SNTG2: variants seen among roughly 807,000 people sequenced by gnomAD.
SNTG2 encodes the protein syntrophin gamma 2.
A neutral mutation model predicts 70.9 loss-of-function variants in SNTG2; 74 were observed. That is an observed-to-expected ratio of 1.04 (90% CI 0.86 to 1.27). The LOEUF (loss-of-function observed/expected upper bound fraction) is 1.27. Ranked by LOEUF, SNTG2 falls within the 50% of genes most tolerant of loss-of-function variation. SNTG2 has a pLI of 0.00. For synonymous variants in SNTG2, 278 were observed against 273.8 expected (o/e 1.02, Z -0.15); for missense variants, 717 against 690.7 (o/e 1.04, Z -0.43).
rs143169130 is a variant in SNTG2 at position 1,248,125 on chromosome 2, T to C, written c.1005+682T>C. Among the ~76,000 whole-genome samples the C allele has an allele frequency of 2.2e-3, 332 of 152,358 alleles. 5 individuals are homozygous for C. Among genetic ancestry groups the C allele is most frequent in the African/African-American group, 7.3e-3 (303 of 41,580 alleles). Reference sequence around the variant, plus strand: ...TCACGTGCAGTGTTCATGGGACTTTTTTCCATTAAAAGGAAATGAAAAGAT... The same window carrying C: ...TCACGTGCAGTGTTCATGGGACTTTCTTCCATTAAAAGGAAATGAAAAGAT... On this transcript the variant is annotated intron_variant, in intron 12 of 16. Transcript: ENST00000308624.
At chr2:1,006,190 T>C (rs547607514) in intron 1 of SNTG2, among the ~76,000 whole-genome samples, 38 of 145,670 alleles carry the variant, frequency 2.6e-4, no homozygotes, top group Non-Finnish European at 4.4e-4. Context: ...AGGGATAGCA[T>C]TGGGAGATAT....
At chr2:1,190,231 A>G (rs1006746097) in intron 8 of SNTG2, among the ~76,000 whole-genome samples, 2 of 151,986 alleles carry the variant, frequency 1.3e-5, no homozygotes, top group African/African-American at 2.4e-5. Context: ...TAGATGCTTA[A>G]GACCCTTATA....
chr2:1,078,588 A>C (rs1354095563), intron 1 of SNTG2, among the ~76,000 whole-genome samples: 1 of 152,318 alleles, frequency 6.6e-6, no homozygotes, highest in East Asian at 1.9e-4. Context: ...CCGGCCTCAC[A>C]GGGCATCACC....
At chr2:1,111,059 T>A (rs1264942957) in intron 4 of SNTG2, among the ~76,000 whole-genome samples, 4 of 152,232 alleles carry the variant, frequency 2.6e-5, no homozygotes, top group African/African-American at 9.6e-5. Context: ...TCCGTAAGAA[T>A]GAAGGGAGTC....
intron 1 of SNTG2, among the ~76,000 whole-genome samples, chr2:991,423 C>A (rs1661489057): frequency 7.0e-6 from 1 of 141,996 alleles, no homozygotes; most frequent in Non-Finnish European, 1.5e-5. Context: ...GACTTTAATT[C>A]TAGAATGACA....
At position 1,144,044 on chromosome 2, in the gene SNTG2, C is replaced by T. The variant is rs542322123; in HGVS notation, c.411+6235C>T. On this transcript the variant is annotated intron_variant, in intron 6 of 16. Transcript: ENST00000308624. Reference sequence around the variant, plus strand: ...TGTTGAAGCTGTGGCTCTCAGGACACGCTGGGTAGCCCCATAGATCCATCT... The same window carrying T: ...TGTTGAAGCTGTGGCTCTCAGGACATGCTGGGTAGCCCCATAGATCCATCT... Among the ~76,000 whole-genome samples, 19 of 152,260 alleles carry T rather than the reference C, an allele frequency of 1.2e-4. 1 individual carries two copies. In the South Asian group the frequency reaches 2.5e-3, roughly 20 times the overall value.
In SNTG2 at chr2:1,083,693, C is replaced by A. The variant is rs200036018; in HGVS notation, c.210+38C>A. On this transcript the variant is annotated intron_variant, in intron 2 of 16. Transcript: ENST00000308624. ...ACTTCAGGGAAGTCTTGGAGTGTTT[C>A]GGACGAGCCCCATGAACGGTCTTTG... 6.2e-6 allele frequency: 10 copies of A among 1,610,320 alleles called. No homozygotes were observed. In the South Asian group the frequency reaches 9.9e-5, roughly 16 times the overall value.
chr2:1,153,141 C>G (rs1258979890), intron 6 of SNTG2, among the ~76,000 whole-genome samples: 2 of 147,324 alleles, frequency 1.4e-5, no homozygotes, highest in Non-Finnish European at 3.0e-5. Flanking sequence ...AAAAAAAATG[C>G]CTTCACAACA....
At chr2:1,004,135 CCATGTTTTATTCTTAATGATAGTGCCTGA>C (rs1659494351) in intron 1 of SNTG2, among the ~76,000 whole-genome samples, 2 of 152,192 alleles carry the variant, frequency 1.3e-5, no homozygotes. Flanking sequence ...AGAAGTTATA[CCATGTTTTATTCTTAATGATAGTGCCTGA>C]CATGACTGTC....
At position 1,318,518 on chromosome 2, in the gene SNTG2, T is replaced by TG. The variant is rs573360385; in HGVS notation, c.1488+2148dup. 3.3e-5 allele frequency among the ~76,000 whole-genome samples: 5 copies of TG among 152,288 alleles called. No homozygotes were observed. The South Asian group carries it at 1.0e-3, about 32-fold the overall frequency. Reference sequence around the variant, plus strand: ...GGTACAGACACTGTGGCTCCTGGGCTGGGGGAGAGCGATGAGGCAGCGGCA... The same window carrying TG: ...GGTACAGACACTGTGGCTCCTGGGCTGGGGGGAGAGCGATGAGGCAGCGGCA... On this transcript the variant is annotated intron_variant, in intron 16 of 16. Transcript: ENST00000308624.
At chr2:1,187,749 A>G (rs1184006169) in intron 8 of SNTG2, among the ~76,000 whole-genome samples, 1 of 152,218 alleles carries the variant, frequency 6.6e-6, no homozygotes, top group East Asian at 1.9e-4. Context: ...ATGGCAATTT[A>G]GTTGACAGCA....
intron 8 of SNTG2, among the ~76,000 whole-genome samples, chr2:1,175,397 C>G (rs1433710742): frequency 6.6e-6 from 1 of 152,166 alleles, no homozygotes; most frequent in Non-Finnish European, 1.5e-5. Context: ...CTAACTCACT[C>G]TATTTTTTCC....
intron 11 of SNTG2, among the ~76,000 whole-genome samples, chr2:1,244,234 A>G (rs1273248541): frequency 1.3e-5 from 2 of 152,212 alleles, no homozygotes; most frequent in African/African-American, 2.4e-5. Context: ...GGACCTGCAG[A>G]AGGGGATGTG....
intron 6 of SNTG2, 44 bp from the exon 7 acceptor site, chr2:1,165,504 T>G: frequency 6.6e-7 from 1 of 1,520,126 alleles, no homozygotes; most frequent in South Asian, 1.2e-5. Context: ...CTGTGTCTGG[T>G]TCTTTTGTGG....
intron 1 of SNTG2, among the ~76,000 whole-genome samples, chr2:1,071,065 A>C (rs1481689824): frequency 6.6e-6 from 1 of 152,262 alleles, no homozygotes; most frequent in Non-Finnish European, 1.5e-5. Context: ...CAGAGGACAC[A>C]GAAGCCTCGG....
chr2:1,068,239 C>G (rs183584488), intron 1 of SNTG2: 1 of 152,196 alleles, frequency 6.6e-6, no homozygotes, highest in African/African-American at 2.4e-5. Flanking sequence ...GCAGGGCGCC[C>G]GTAACTGTGT....
rs1209878444 is a variant in SNTG2, at chr2:1,115,670, TAAGTGAGGTTTAA to T, written c.325+17261_325+17273del. Among the ~76,000 whole-genome samples the T allele has an allele frequency of 9.8e-4, 149 of 152,046 alleles. 2 individuals carry two copies. The South Asian group carries it at 0.019, about 20-fold the overall frequency. On this transcript the variant is annotated intron_variant, in intron 4 of 16. Coordinates refer to ENST00000308624, the MANE Select transcript of SNTG2 (RefSeq NM_018968.4). ...GTCCTTTGAGGAGGATCGTGTGTAC[TAAGTGAGGTTTAA>T]CATTTACAGTCCTTTGAGAAGGATC...
At chr2:1,063,461 C>G (rs773743004) in intron 1 of SNTG2, among the ~76,000 whole-genome samples, 5 of 152,060 alleles carry the variant, frequency 3.3e-5, no homozygotes, top group East Asian at 1.9e-4. Flanking sequence ...ACAGCTGGCT[C>G]TCTCCAAAAG....
At chr2:1,145,841 A>G (rs1284687923) in intron 6 of SNTG2, among the ~76,000 whole-genome samples, 1 of 152,242 alleles carries the variant, frequency 6.6e-6, no homozygotes, top group Non-Finnish European at 1.5e-5. Flanking sequence ...CAACGTCTAA[A>G]AAGAATTACA....
Sources: gnomAD v4.1 joint callset for allele counts (sites outside exome capture counted in the v4.1 genomes callset) on GRCh38, gnomAD v4.1.1 for gene constraint, MANE v1.5 for transcripts, NCBI Gene and HGNC (gene_info 2026-07-23, HGNC 2026-07-21) for gene names.